Variants in RBFOX1 observed in about 807,000 individuals in gnomAD.
RBFOX1 encodes the protein RNA binding protein fox-1 homolog 1.
In RBFOX1, 8 loss-of-function variants were observed where a neutral mutation model predicts 57.7. That is an observed-to-expected ratio of 0.14 (90% CI 0.08 to 0.25). The LOEUF is 0.25. RBFOX1 is among the 10% of genes least tolerant of loss of function. The pLI, the probability that RBFOX1 is intolerant of heterozygous loss-of-function variation, is 1.00. For missense variants in RBFOX1, 611 were observed against 548.5 expected, an observed-to-expected ratio of 1.11 and a Z score of -1.14; for synonymous variants, 326 against 222.4, an observed-to-expected ratio of 1.47 and a Z score of -4.15.
chr16:6,255,364 C>T (rs558140911), intron 1 of RBFOX1, among the ~76,000 whole-genome samples: 3 of 152,078 alleles, frequency 2.0e-5, no homozygotes, highest in Non-Finnish European at 2.9e-5. Flanking sequence ...AGATGAGATG[C>T]GAAAGGATGG....
At chr16:5,475,585 A>C (rs62016434) in intron 2 of RBFOX1, among the ~76,000 whole-genome samples, 4 of 152,120 alleles carry the variant, frequency 2.6e-5, no homozygotes, top group Non-Finnish European at 5.9e-5. Flanking sequence ...AATAGGTAAT[A>C]TTTATGTGGA....
At chr16:7,406,756 G>A (rs528059796) in intron 4 of RBFOX1, among the ~76,000 whole-genome samples, 17 of 152,140 alleles carry the variant, frequency 1.1e-4, no homozygotes, top group Non-Finnish European at 1.9e-4. Flanking sequence ...CTCTCTTAGC[G>A]TTCCAGAGGC....
At chr16:6,239,902 C>T (rs1290608827) in intron 1 of RBFOX1, among the ~76,000 whole-genome samples, 2 of 152,068 alleles carry the variant, frequency 1.3e-5, no homozygotes, top group Non-Finnish European at 2.9e-5. Flanking sequence ...GGGTAGTTGT[C>T]CCCGCCCATA....
intron 4 of RBFOX1, among the ~76,000 whole-genome samples, chr16:7,156,856 T>C (rs1192148336): frequency 6.6e-6 from 1 of 152,162 alleles, no homozygotes; most frequent in African/African-American, 2.4e-5. Flanking sequence ...GCTAGATCGA[T>C]TTACTTTTCA....
rs556972134 is a variant in RBFOX1 at position 5,331,263 on chromosome 16, T to C, written c.219+91158T>C. Among the ~76,000 whole-genome samples the C allele has an allele frequency of 9.3e-4, 141 of 152,324 alleles. 3 individuals carry two copies. The highest frequency in any genetic ancestry group is 2.7e-3 in the Admixed American group (41 of 15,300). On this transcript the variant is annotated intron_variant, in intron 1 of 2. Coordinates refer to the RBFOX1 transcript ENST00000585867. Reference sequence around the variant, plus strand: ...GCTAAATTCGTTCATCACCAGATGGTTGTCATGTATCTCACGTGCTTTGGG... The same window carrying C: ...GCTAAATTCGTTCATCACCAGATGGCTGTCATGTATCTCACGTGCTTTGGG...
chr16:5,305,039 C>G (rs1167980845), intron 1 of RBFOX1, among the ~76,000 whole-genome samples: 3 of 152,092 alleles, frequency 2.0e-5, no homozygotes, highest in African/African-American at 7.2e-5. Flanking sequence ...AGGTTTTCAT[C>G]CACCTGCAGC....
intron 2 of RBFOX1, among the ~76,000 whole-genome samples, chr16:5,518,453 C>A (rs1276727692): frequency 6.6e-6 from 1 of 152,164 alleles, no homozygotes. Context: ...TACTACTTGG[C>A]AACAAGGAGA....
chr16:7,641,796 C>A (rs914788581), intron 11 of RBFOX1, among the ~76,000 whole-genome samples: 1 of 152,154 alleles, frequency 6.6e-6, no homozygotes, highest in African/African-American at 2.4e-5. Context: ...GTGACCTTGG[C>A]CAAGTCTCCT....
At chr16:5,807,558 G>C (rs553810441) in intron 3 of RBFOX1, among the ~76,000 whole-genome samples, 8 of 152,278 alleles carry the variant, frequency 5.3e-5, no homozygotes, top group African/African-American at 1.9e-4. Flanking sequence ...GCTCATTATA[G>C]CCTCGTTATA....
chr16:6,902,387 C>T (rs932562695), intron 3 of RBFOX1, among the ~76,000 whole-genome samples: 3 of 152,148 alleles, frequency 2.0e-5, no homozygotes, highest in Non-Finnish European at 4.4e-5. Flanking sequence ...CTGGAGCTAT[C>T]AAGAGGAAAG....
upstream of RBFOX1, among the ~76,000 whole-genome samples, chr16:6,015,319 T>G (rs1230782325): frequency 6.6e-6 from 1 of 152,188 alleles, no homozygotes; most frequent in Admixed American, 6.5e-5. Flanking sequence ...ACTGACCTTC[T>G]GGAAAAGTTA....
chr16:6,184,562 A>T (rs2097092659), intron 1 of RBFOX1, among the ~76,000 whole-genome samples: 1 of 151,974 alleles, frequency 6.6e-6, no homozygotes, highest in Admixed American at 6.6e-5. Context: ...GGGAATTTTT[A>T]TTATTCTTAT....
intron 3 of RBFOX1, among the ~76,000 whole-genome samples, chr16:6,701,753 A>G (rs752599186): frequency 4.6e-5 from 7 of 152,252 alleles, no homozygotes; most frequent in African/African-American, 7.2e-5. Flanking sequence ...CATGTACACC[A>G]TGGAATATTA....
chr16:7,701,463 C>G (rs757603204), intron 14 of RBFOX1, among the ~76,000 whole-genome samples: 48 of 152,286 alleles, frequency 3.2e-4, no homozygotes, highest in Admixed American at 9.2e-4. Flanking sequence ...AGGTTGCACA[C>G]TCCTTTTGAG....
chr16:5,378,991 T>C (rs977177830), intron 1 of RBFOX1, among the ~76,000 whole-genome samples: 1 of 151,634 alleles, frequency 6.6e-6, no homozygotes, highest in Non-Finnish European at 1.5e-5. Context: ...AATCCTTCCT[T>C]GGGCTCAGGA....
intron 3 of RBFOX1, among the ~76,000 whole-genome samples, chr16:6,835,360 A>G (rs751193888): frequency 5.3e-5 from 8 of 152,164 alleles, no homozygotes; most frequent in Non-Finnish European, 1.0e-4. Context: ...TTTACTCTGC[A>G]TAATCAGGAC....
intron 2 of RBFOX1, among the ~76,000 whole-genome samples, chr16:6,391,277 A>T (rs914861319): frequency 1.3e-5 from 2 of 152,162 alleles, no homozygotes; most frequent in African/African-American, 4.8e-5. Context: ...TGGGAGGCCC[A>T]GGCGGGCCGA....
intron 1 of RBFOX1, among the ~76,000 whole-genome samples, chr16:5,356,082 C>G (rs752460228): frequency 2.6e-5 from 4 of 152,136 alleles, no homozygotes; most frequent in Non-Finnish European, 4.4e-5. Context: ...CAGAGCGAAA[C>G]TCATTCTCAA....
At chr16:5,766,176 C>A (rs902765099) in intron 3 of RBFOX1, among the ~76,000 whole-genome samples, 1 of 152,156 alleles carries the variant, frequency 6.6e-6, no homozygotes, top group Non-Finnish European at 1.5e-5. Context: ...CTATTAGGAA[C>A]TTAAGAACAG....
Sources: allele counts gnomAD v4.1 joint callset (sites outside exome capture counted in the v4.1 genomes callset), GRCh38; gene constraint gnomAD v4.1.1; transcripts MANE v1.5; gene names NCBI Gene and HGNC (gene_info 2026-07-23, HGNC 2026-07-21).